The following SCHIP1 variants were observed in gnomAD, a reference collection of about 807,000 sequenced individuals.
The protein encoded by SCHIP1 is schwannomin interacting protein 1.
Under a neutral mutation model 29.7 loss-of-function variants are expected in SCHIP1, and 8 were observed. The ratio of observed to expected loss-of-function variants is 0.27; its 90% CI spans 0.16 to 0.49. SCHIP1 has a LOEUF of 0.49. Ranked by LOEUF, SCHIP1 falls within the 20% of genes least tolerant of loss-of-function variation. The pLI is 0.99. For synonymous variants in SCHIP1, 76 were observed against 94.9 expected, an observed-to-expected ratio of 0.80 and a Z score of 1.16; for missense variants, 193 against 294.6, an observed-to-expected ratio of 0.66 and a Z score of 2.52.
At chr3:159,743,035 A>C in the SCHIP1 span, among the ~76,000 whole-genome samples, 17 of 151,898 alleles carry the variant, frequency 1.1e-4, no homozygotes, top group Non-Finnish European at 2.4e-4. Context: ...ATTCCTCCTA[A>C]AACTGACTAT....
the SCHIP1 span, among the ~76,000 whole-genome samples, chr3:159,275,686 C>G: frequency 6.6e-6 from 1 of 152,072 alleles, no homozygotes; most frequent in Non-Finnish European, 1.5e-5. Context: ...TTTATTTAAG[C>G]AGAAATTGTT....
At chr3:159,718,321 C>T in the SCHIP1 span, among the ~76,000 whole-genome samples, 1 of 152,124 alleles carries the variant, frequency 6.6e-6, no homozygotes, top group Non-Finnish European at 1.5e-5. Context: ...AAAACTGGCA[C>T]AAGACAGGGA....
At chr3:159,724,752 A>C in the SCHIP1 span, among the ~76,000 whole-genome samples, 12 of 152,222 alleles carry the variant, frequency 7.9e-5, no homozygotes, top group Admixed American at 4.6e-4. Context: ...AGTGGTTGCT[A>C]AATCTTTGCC....
the SCHIP1 span, among the ~76,000 whole-genome samples, chr3:159,538,153 G>A: frequency 6.6e-6 from 1 of 152,114 alleles, no homozygotes; most frequent in African/African-American, 2.4e-5. Context: ...AGTGCAAGGA[G>A]TTGCTATTTT....
At chr3:159,449,708 G>A in the SCHIP1 span, among the ~76,000 whole-genome samples, 2 of 152,052 alleles carry the variant, frequency 1.3e-5, no homozygotes, top group Admixed American at 1.3e-4. Flanking sequence ...AAGTGCCCCT[G>A]ACTCAAAATG....
At chr3:159,712,048 C>A in the SCHIP1 span, among the ~76,000 whole-genome samples, 3 of 152,190 alleles carry the variant, frequency 2.0e-5, no homozygotes, top group Non-Finnish European at 4.4e-5. Flanking sequence ...GCTGCTGACA[C>A]CACACACCTT....
chr3:159,369,664 C>T, the SCHIP1 span, among the ~76,000 whole-genome samples: 2 of 124,118 alleles, frequency 1.6e-5, no homozygotes, highest in African/African-American at 5.1e-5. Context: ...TTGAAGAAGT[C>T]AGTTTGGTAC....
At chr3:159,704,866 TTCTTTCTTTC>T in the SCHIP1 span, among the ~76,000 whole-genome samples, 1 of 25,382 alleles carries the variant, frequency 3.9e-5, no homozygotes, top group Non-Finnish European at 1.1e-4. Context: ...CCTTCCTTTT[TTCTTTCTTTC>T]TTTCTTTCTT....
At chr3:159,277,244 C>A in the SCHIP1 span, among the ~76,000 whole-genome samples, 1 of 152,132 alleles carries the variant, frequency 6.6e-6, no homozygotes, top group Admixed American at 6.5e-5. Flanking sequence ...GTATAGAAAG[C>A]ATGTACATTG....
At chr3:159,624,562 AGGTGTGT>A in the SCHIP1 span, among the ~76,000 whole-genome samples, 2 of 152,288 alleles carry the variant, frequency 1.3e-5, no homozygotes, top group African/African-American at 4.8e-5. Flanking sequence ...CTGGGCCTAG[AGGTGTGT>A]GTTTTACCCA....
the SCHIP1 span, among the ~76,000 whole-genome samples, chr3:159,487,633 A>T: frequency 6.6e-6 from 1 of 152,178 alleles, no homozygotes; most frequent in Non-Finnish European, 1.5e-5. Flanking sequence ...TAAATCAAAC[A>T]CATAAAACTG....
chr3:159,515,245 T>G, the SCHIP1 span, among the ~76,000 whole-genome samples: 2 of 151,552 alleles, frequency 1.3e-5, no homozygotes, highest in East Asian at 3.9e-4. Context: ...CTGCTCACAA[T>G]CCTTTAATAA....
At chr3:159,399,574 C>T in the SCHIP1 span, among the ~76,000 whole-genome samples, 1 of 152,066 alleles carries the variant, frequency 6.6e-6, no homozygotes, top group Admixed American at 6.6e-5. Context: ...ATGTGGGAGC[C>T]CCTATTTCTA....
At chr3:159,615,946 A>G in the SCHIP1 span, among the ~76,000 whole-genome samples, 4 of 152,218 alleles carry the variant, frequency 2.6e-5, no homozygotes, top group African/African-American at 9.6e-5. Context: ...ACTAGGATGT[A>G]GCTTTCTCTG....
chr3:159,375,340 C>T, the SCHIP1 span, among the ~76,000 whole-genome samples: 1 of 152,210 alleles, frequency 6.6e-6, no homozygotes, highest in East Asian at 1.9e-4. Context: ...CACAGATGGG[C>T]AGGAGGCAAC....
chr3:159,350,598 G>A, the SCHIP1 span, among the ~76,000 whole-genome samples: 1 of 151,988 alleles, frequency 6.6e-6, no homozygotes, highest in Non-Finnish European at 1.5e-5. Flanking sequence ...TTTGAAAAGG[G>A]ATGGTAAGAC....
At chr3:159,871,362 G>A (rs916524421) in intron 2 of SCHIP1, among the ~76,000 whole-genome samples, 4 of 131,690 alleles carry the variant, frequency 3.0e-5, no homozygotes, top group Admixed American at 7.4e-5. Flanking sequence ...TGTTTGTTGG[G>A]GGGGGTGGGG....
the SCHIP1 span, chr3:159,764,401 C>A: frequency 6.6e-7 from 1 of 1,523,398 alleles, no homozygotes; most frequent in Non-Finnish European, 8.8e-7. The surrounding 1 kb of genome is among the most constrained non-coding windows in gnomAD (Gnocchi z 6.1). Context: ...GAGGCTGGAG[C>A]AGGCTTGGCC....
chr3:159,328,831 G>A, the SCHIP1 span, among the ~76,000 whole-genome samples: 1 of 152,168 alleles, frequency 6.6e-6, no homozygotes, highest in East Asian at 1.9e-4. Context: ...GAAAAAGCTA[G>A]GAGTTTGTTT....
Sources: gnomAD v4.1 joint callset for allele counts (sites outside exome capture counted in the v4.1 genomes callset) on GRCh38, gnomAD v4.1.1 for gene constraint, Gnocchi (gnomAD v3.1) non-coding constraint, MANE v1.5 for transcripts, NCBI Gene and HGNC (gene_info 2026-07-23, HGNC 2026-07-21) for gene names.